The following SYPL1 variants were observed in gnomAD, a reference collection of about 807,000 sequenced individuals.
SYPL1 encodes the protein synaptophysin like 1, also known as synaptophysin-like protein 1.
Under a neutral mutation model 23.7 loss-of-function variants are expected in SYPL1, and 6 were observed. That is an observed-to-expected ratio of 0.25 (90% confidence interval 0.14 to 0.50). The LOEUF is 0.50. Ranked by LOEUF, SYPL1 falls within the 20% of genes least tolerant of loss-of-function variation. The pLI is 0.98. For synonymous variants in SYPL1, 102 were observed against 104.5 expected (o/e 0.98, Z 0.15); for missense variants, 253 against 288.9 (o/e 0.88, Z 0.90).
intron 1 of SYPL1, among the ~76,000 whole-genome samples, chr7:106,111,631 G>A (rs567757360): frequency 6.6e-6 from 1 of 152,192 alleles, no homozygotes; most frequent in Admixed American, 6.5e-5. Flanking sequence ...TTTTAACTCG[G>A]AGCCCATCTT....
At chr7:106,108,678 G>A (rs533451684) in intron 1 of SYPL1, among the ~76,000 whole-genome samples, 17 of 152,214 alleles carry the variant, frequency 1.1e-4, no homozygotes, top group Admixed American at 6.5e-4. Flanking sequence ...TATTTAAGTC[G>A]TAAATCCAGA....
Position 106,091,802 on chromosome 7 carries a change from T to C in SYPL1, c.*3A>G, listed in dbSNP as rs1192763397. On this transcript the variant is annotated 3_prime_UTR_variant, in exon 5 of 5. Transcript: ENST00000455385. This position sits in a 1 kb window ranked among gnomAD's most constrained non-coding sequence, Gnocchi z 5.0. ...ACTTCATACAGTGTATTTCTCCCTT[T>C]AATTATATTCCGGTAGGAGGTGGAA... The C allele has an allele frequency of 6.2e-7, 1 of 1,610,018 alleles. No homozygotes were observed. Among genetic ancestry groups the C allele is most frequent in the Non-Finnish European group, 8.5e-7 (1 of 1,178,664 alleles).
Position 106,095,767 on chromosome 7 carries a change from T to C in SYPL1, c.402+1923A>G, listed in dbSNP as rs1330744530. On this transcript the variant is annotated intron_variant, in intron 3 of 4. Coordinates refer to ENST00000455385, the MANE Select transcript of SYPL1 (RefSeq NM_182715.4). The surrounding 1 kb of genome is among the most constrained non-coding windows in gnomAD (Gnocchi z 4.3). ...CACCCATTATGTAACAATAAAAACCTACTTAAGGAATTTTGGATTATCTCT... is the reference window on the plus strand; with the variant it reads ...CACCCATTATGTAACAATAAAAACCCACTTAAGGAATTTTGGATTATCTCT... Among the ~76,000 whole-genome samples, 4 of 152,332 alleles carry C rather than the reference T, an allele frequency of 2.6e-5. No individual in the cohort carries two copies. The highest frequency in any genetic ancestry group is 5.9e-5 in the Non-Finnish European group (4 of 68,026).
intron 1 of SYPL1, among the ~76,000 whole-genome samples, chr7:106,102,840 A>C (rs1840398811): frequency 6.6e-6 from 1 of 152,234 alleles, no homozygotes. Flanking sequence ...GGTCCAGATG[A>C]GCTGCACACA....
chr7:106,092,521 G>C, intron 4 of SYPL1: 1 of 293,028 alleles, frequency 3.4e-6, no homozygotes, highest in Non-Finnish European at 6.6e-6. Flanking sequence ...AGATACAAAA[G>C]AATTAGCTGG....
chr7:106,112,324 T>C (rs1790212998), upstream of SYPL1: 36 of 1,246,928 alleles, frequency 2.9e-5, no homozygotes, highest in Non-Finnish European at 3.4e-5. Flanking sequence ...CTGGCCGGGC[T>C]CGGAGGCGGG....
upstream of SYPL1, chr7:106,112,544 GC>G: frequency 2.7e-6 from 4 of 1,505,150 alleles, no homozygotes; most frequent in African/African-American, 1.4e-5. Flanking sequence ...CGTGCGCCGC[GC>G]CCCCTTCCCT....
intron 4 of SYPL1, 103 bp from the exon 5 acceptor site, chr7:106,092,042 G>C: frequency 8.8e-7 from 1 of 1,131,700 alleles, no homozygotes; most frequent in Non-Finnish European, 1.2e-6. Flanking sequence ...ACATTTTTAG[G>C]AAGTACGCCA....
rs1563339759 is a variant in SYPL1 at position 106,097,854 on chromosome 7, A to AT, written c.237dup (p.Cys80MetfsTer2). 6.2e-7 allele frequency: 1 copy of AT among 1,613,870 alleles called. No homozygotes were observed. The highest frequency in any genetic ancestry group is 1.1e-5 in the South Asian group (1 of 91,070). ...ACGTAATCTTTCCAATTTACATCAC[A>AT]TATGTTTACACCTGGAGGTGGCTGA... On this transcript the variant is annotated frameshift_variant, in exon 3 of 5. Coordinates refer to ENST00000455385, the MANE Select transcript of SYPL1 (RefSeq NM_182715.4). LOFTEE classifies it high-confidence loss of function. This position sits in a 1 kb window ranked among gnomAD's most constrained non-coding sequence, Gnocchi z 4.6.
rs940254867 is a variant in SYPL1, at chr7:106,100,685, G to C, written c.70-1403C>G. ...CTGATCTGAACTACCATCACCTTTT[G>C]CCTGAATTTTGCACTAACAGCCTTC... On this transcript the variant is annotated intron_variant, in intron 1 of 4. Coordinates refer to ENST00000455385, the MANE Select transcript of SYPL1 (RefSeq NM_182715.4). This position sits in a 1 kb window ranked among gnomAD's most constrained non-coding sequence, Gnocchi z 5.1. Among the ~76,000 whole-genome samples, 3 of 152,076 alleles carry C rather than the reference G, an allele frequency of 2.0e-5. No homozygotes were observed. Among genetic ancestry groups the C allele is most frequent in the African/African-American group, 7.2e-5 (3 of 41,394 alleles).
chr7:106,112,145 C>T lies in SYPL1; in HGVS notation c.64G>A (p.Glu22Lys), dbSNP rs367775377. 2.0e-6 allele frequency: 3 copies of T among 1,532,932 alleles called. No individual in the cohort carries two copies. The highest frequency in any genetic ancestry group is 1.2e-5 in the South Asian group (1 of 84,520). 95.0% of individuals were successfully genotyped at this position (1,532,932 alleles called of 1,614,324 possible). Residue 22 changes from glutamate (E) to lysine (K), a missense_variant, in exon 1 of 5, where the codon GAG (glutamate) becomes AAG (lysine). Glu to Lys is a moderately conservative substitution (Grantham distance 56). Coordinates refer to ENST00000455385, the MANE Select transcript of SYPL1 (RefSeq NM_182715.4). ...KEPLGFIKVLEWIASIFAFAT... is the reference protein window; with the variant it reads ...KEPLGFIKVLKWIASIFAFAT... ...CCGGCGCGGGCTGCACTCACCCACT[C>T]GAGGACCTTGATGAAGCCGAGTGGC...
chr7:106,099,494 T>C (rs59217), intron 1 of SYPL1, among the ~76,000 whole-genome samples: 149,702 of 152,170 alleles, frequency 0.98, 73,638 homozygotes, highest in East Asian at 1. Flanking sequence ...CAGGCTCAAG[T>C]GATCCTCCCA....
chr7:106,103,843 A>C (rs1278765376), intron 1 of SYPL1, among the ~76,000 whole-genome samples: 5 of 152,236 alleles, frequency 3.3e-5, no homozygotes, highest in Admixed American at 3.3e-4. Flanking sequence ...TCTGAAATAA[A>C]AATCTGATCA....
chr7:106,102,252 T>C (rs1033709927), intron 1 of SYPL1, among the ~76,000 whole-genome samples: 8 of 152,160 alleles, frequency 5.3e-5, no homozygotes, highest in African/African-American at 1.9e-4. Flanking sequence ...CCTGCCACCA[T>C]GCCCGGCTAA....
At chr7:106,111,810 C>T (rs1352040099) in intron 1 of SYPL1, 1 of 165,754 alleles carries the variant, frequency 6.0e-6, no homozygotes, top group East Asian at 1.7e-4. Context: ...AGGAAGTTTT[C>T]CCTTCCTCTG....
At chr7:106,098,420 A>G (rs1840141239) in intron 2 of SYPL1, among the ~76,000 whole-genome samples, 1 of 152,252 alleles carries the variant, frequency 6.6e-6, no homozygotes, top group East Asian at 1.9e-4. Context: ...GATACAAGAT[A>G]GAGAGGCTTT....
At chr7:106,099,050 A>G in intron 2 of SYPL1, 108 bp downstream of exon 2, 1 of 1,364,450 alleles carries the variant, frequency 7.3e-7, no homozygotes. Context: ...AAATGAGCAT[A>G]CAGTCTAAAA....
chr7:106,107,675 G>A (rs1840675786), intron 1 of SYPL1, among the ~76,000 whole-genome samples: 1 of 150,302 alleles, frequency 6.7e-6, no homozygotes, highest in Admixed American at 6.6e-5. Flanking sequence ...CTGGGAGATG[G>A]AGGTTGCAGT....
At position 106,109,698 on chromosome 7, in the gene SYPL1, T is replaced by G. The variant is rs1247383107; in HGVS notation, c.69+2442A>C. The stretch of plus-strand genomic sequence containing the variant: ...CTGCTCCTCCTCCTCTTAATGACAT[T>G]ACCTTGAATATGCTAATGGCAACGA... On this transcript the variant is annotated intron_variant, in intron 1 of 4. Transcript: ENST00000455385. This position sits in a 1 kb window ranked among gnomAD's most constrained non-coding sequence, Gnocchi z 4.3. Among the ~76,000 whole-genome samples, 1 of 152,150 alleles carries G rather than the reference T, an allele frequency of 6.6e-6. No homozygotes were observed. Among genetic ancestry groups the G allele is most frequent in the East Asian group, 1.9e-4 (1 of 5,176 alleles).
Sources: gnomAD v4.1 joint callset for allele counts (sites outside exome capture counted in the v4.1 genomes callset) on GRCh38, gnomAD v4.1.1 for gene constraint, Gnocchi (gnomAD v3.1) non-coding constraint, MANE v1.5 for transcripts, NCBI Gene and HGNC (gene_info 2026-07-23, HGNC 2026-07-21) for gene names.